Variants in POLR2G observed in about 807,000 individuals in gnomAD.
POLR2G encodes RNA polymerase II subunit G, also known as DNA-directed RNA polymerase II subunit RPB7.
Under a neutral mutation model 25.7 loss-of-function variants are expected in POLR2G, and 19 were observed. The ratio of observed to expected loss-of-function variants is 0.74; its 90% CI spans 0.52 to 1.08. The LOEUF (loss-of-function observed/expected upper bound fraction) is 1.08. Ranked by LOEUF, POLR2G falls within the 50% of genes least tolerant of loss-of-function variation. The pLI is 0.00. For missense variants in POLR2G, 123 were observed against 218.5 expected (o/e 0.56, Z 2.76); for synonymous variants, 79 against 76.0 (o/e 1.04, Z -0.21).
rs200826803 is a variant in POLR2G at position 62,764,865 on chromosome 11, G to GT, written c.283-305dup. Among the ~76,000 whole-genome samples the GT allele has an allele frequency of 4.3e-3, 624 of 143,804 alleles. 1 individual carries two copies. The highest frequency in any genetic ancestry group is 4.5e-3 in the Non-Finnish European group (295 of 65,050). 94.3% of individuals were successfully genotyped at this position (143,804 alleles called of 152,430 possible). A position where few individuals can be genotyped will look rare whatever the true frequency, so the allele number is the denominator to read the frequency against. ...AAAGAAAAGGCAAGATCACTCTTTT[G>GT]TTTTTTTTTTTTGAGACAGAGTCTT... is the stretch of plus-strand genomic sequence containing the variant. On this transcript the variant is annotated intron_variant, in intron 3 of 7. Coordinates refer to ENST00000301788, the MANE Select transcript of POLR2G (RefSeq NM_002696.3).
At chr11:62,764,153 C>A (rs1211766266) in intron 3 of POLR2G, among the ~76,000 whole-genome samples, 2 of 152,054 alleles carry the variant, frequency 1.3e-5, no homozygotes, top group African/African-American at 4.8e-5. Flanking sequence ...GGCCTAAGCT[C>A]TTTAATACTT....
rs3795 is a variant in POLR2G, at chr11:62,766,632, T to A, written c.*125T>A. On this transcript the variant is annotated 3_prime_UTR_variant, in exon 8 of 8. Transcript: ENST00000301788. ...GGAAGGCAACTCATCCCAGAAGGCA[T>A]CTGGTGCTTCTTGTAGCTTAACTAC... The A allele has an allele frequency of 1.3e-6, 1 of 794,936 alleles. No individual in the cohort carries two copies. Among genetic ancestry groups the A allele is most frequent in the Non-Finnish European group, 2.1e-6 (1 of 467,592 alleles). 49.2% of individuals were successfully genotyped at this position (794,936 alleles called of 1,614,324 possible).
In POLR2G at chr11:62,766,696, A is replaced by T. The variant is rs1236807798; in HGVS notation, c.*189A>T. 1.7e-6 allele frequency: 1 copy of T among 583,210 alleles called. No individual in the cohort carries two copies. The highest frequency in any genetic ancestry group is 3.0e-6 in the Non-Finnish European group (1 of 329,004). 36.1% of individuals were successfully genotyped at this position (583,210 alleles called of 1,614,324 possible). ...TTCAGTATGTGTTCTAAGTATAAAA[A>T]GTCCTTGGTTCTCATGGAAGTGTTA... is the stretch of plus-strand genomic sequence containing the variant. On this transcript the variant is annotated 3_prime_UTR_variant, in exon 8 of 8. Transcript: ENST00000301788.
chr11:62,761,754 G>A, intron 1 of POLR2G, 41 bp from the exon 2 acceptor site: 1 of 1,608,240 alleles, frequency 6.2e-7, no homozygotes, highest in Non-Finnish European at 8.5e-7. Context: ...CCAATAACCT[G>A]CCAGCGCCTG....
Position 62,765,192 on chromosome 11 carries a change from TC to T in POLR2G, c.294del (p.Phe98LeufsTer39). The T allele has an allele frequency of 1.9e-6, 3 of 1,613,756 alleles. No individual in the cohort carries two copies. The highest frequency in any genetic ancestry group is 2.5e-6 in the Non-Finnish European group (3 of 1,179,964). On this transcript the variant is annotated frameshift_variant, in exon 4 of 8. Coordinates refer to ENST00000301788, the MANE Select transcript of POLR2G (RefSeq NM_002696.3). LOFTEE classifies it high-confidence loss of function. ...VVTQVNKVGLFTEIGPMSCFI... is the reference protein window; with the variant it reads ...VVTQVNKVGLXTEIGPMSCFI... ...TCATTTTTTTTCTAGGTTGGACTCT[TC>T]ACAGAAATTGGGCCCATGTCTTGCT...
intron 4 of POLR2G, 51 bp from the exon 5 acceptor site, chr11:62,765,289 C>G: frequency 6.2e-7 from 1 of 1,602,534 alleles, no homozygotes; most frequent in Non-Finnish European, 8.6e-7. Context: ...TCATCACCAT[C>G]TATTGAAGCA....
intron 5 of POLR2G, 95 bp from the exon 6 acceptor site, chr11:62,765,558 G>T: frequency 9.2e-7 from 1 of 1,081,886 alleles, no homozygotes; most frequent in South Asian, 1.2e-5. Context: ...AAAGTGATGT[G>T]CATTCAATAT....
rs200521377 is a variant in POLR2G at position 62,762,030 on chromosome 11, A to G, written c.122+126A>G. The G allele has an allele frequency of 4.4e-5, 30 of 682,306 alleles. No individual in the cohort carries two copies. The East Asian group carries it at 7.2e-4, about 16-fold the overall frequency. 42.3% of individuals were successfully genotyped at this position (682,306 alleles called of 1,614,324 possible). A position where few individuals can be genotyped will look rare whatever the true frequency, so the allele number is the denominator to read the frequency against. On this transcript the variant is annotated intron_variant, in intron 2 of 7. Transcript: ENST00000301788. Reference sequence around the variant, plus strand: ...TGGGGACCCCTCTCCTCTCTCAGGCAGCCAGTTGCTTCCTGCTTTGGGTTC... The same window carrying G: ...TGGGGACCCCTCTCCTCTCTCAGGCGGCCAGTTGCTTCCTGCTTTGGGTTC...
chr11:62,762,325 T>C (rs1457121031), intron 2 of POLR2G: 2 of 275,800 alleles, frequency 7.3e-6, no homozygotes, highest in Admixed American at 8.2e-5. Context: ...CATGGGCCTC[T>C]ATATATCTTC....
chr11:62,765,042 A>AG lies in POLR2G; in HGVS notation c.283-140_283-139insG. On this transcript the variant is annotated intron_variant, in intron 3 of 7. Transcript: ENST00000301788. ...CCCGGCTAATTTTTGTATTTTTAGT[A>AG]ATGACGGGGTTTCACCATGTTGGTC... 3.0e-6 allele frequency: 2 copies of AG among 656,734 alleles called. 1 individual carries two copies. 40.7% of individuals were successfully genotyped at this position (656,734 alleles called of 1,614,324 possible).
rs915203909 is a variant in POLR2G at position 62,765,684 on chromosome 11, G to A, written c.431G>A (p.Arg144His). ...GTGATTCAGCAGGACGATGAGATCC[G>A]CTTAAAGATTGTGGGGACCCGTGTG... is the stretch of plus-strand genomic sequence containing the variant. ...DIVIQQDDEI[R>H]LKIVGTRVDK... Residue 144 changes from arginine (R) to histidine (H), a missense_variant, in exon 6 of 8, where the codon CGC (arginine) becomes CAC (histidine). By Grantham distance (29) the Arg-to-His change is conservative (BLOSUM62 0). Transcript: ENST00000301788. The A allele has an allele frequency of 7.4e-6, 12 of 1,611,432 alleles. No homozygotes were observed. Among genetic ancestry groups the A allele is most frequent in the Non-Finnish European group, 1.0e-5 (12 of 1,177,736 alleles).
intron 3 of POLR2G, among the ~76,000 whole-genome samples, chr11:62,764,049 G>T (rs1281443340): frequency 6.6e-6 from 1 of 152,126 alleles, no homozygotes; most frequent in Non-Finnish European, 1.5e-5. Flanking sequence ...GCCAGTGGGT[G>T]CTTTTTACAG....
chr11:62,764,778 AGAGT>A (rs1368692891), intron 3 of POLR2G, among the ~76,000 whole-genome samples: 2 of 152,222 alleles, frequency 1.3e-5, no homozygotes, highest in African/African-American at 4.8e-5. Flanking sequence ...CCTGGGCAAC[AGAGT>A]GAGACCCTGT....
chr11:62,764,311 A>G (rs979781758), intron 3 of POLR2G, among the ~76,000 whole-genome samples: 2 of 151,784 alleles, frequency 1.3e-5, no homozygotes, highest in East Asian at 2.0e-4. Flanking sequence ...AAATACAAAA[A>G]TTAGCCAGGC....
intron 4 of POLR2G, 36 bp downstream of exon 4, chr11:62,765,268 C>T (rs750506702): frequency 1.2e-6 from 2 of 1,609,048 alleles, no homozygotes; most frequent in Non-Finnish European, 1.7e-6. Flanking sequence ...CTGAGGAAGA[C>T]AGATACTCAT....
intron 1 of POLR2G, 67 bp from the exon 2 acceptor site, chr11:62,761,728 A>G: frequency 6.2e-7 from 1 of 1,607,324 alleles, no homozygotes; most frequent in African/African-American, 1.3e-5. Flanking sequence ...CGCCGGCGCG[A>G]GACTCCCCTT....
chr11:62,762,646 G>A (rs1479398629), intron 2 of POLR2G: 1 of 625,240 alleles, frequency 1.6e-6, no homozygotes, highest in South Asian at 1.5e-5. Context: ...CAGCCTTCTT[G>A]GACATTTATT....
chr11:62,761,777 T>C lies in POLR2G; in HGVS notation c.13-18T>C. 6.2e-7 allele frequency: 1 copy of C among 1,612,444 alleles called. No individual in the cohort carries two copies. Among genetic ancestry groups the C allele is most frequent in the South Asian group, 1.1e-5 (1 of 91,040 alleles). On this transcript the variant is annotated intron_variant, in intron 1 of 7. Coordinates refer to ENST00000301788, the MANE Select transcript of POLR2G (RefSeq NM_002696.3). ...CTGCCAGCGCCTGGCCTGGTCGCCA[T>C]CCCACTTTTCTCCGCAGATCTCCCT...
rs2084096453 is a variant in POLR2G at position 62,763,038 on chromosome 11, C to A, written c.282+12C>A. 2 of 1,563,762 alleles carry A rather than the reference C, an allele frequency of 1.3e-6. No homozygotes were observed. The highest frequency in any genetic ancestry group is 1.7e-5 in the Admixed American group (1 of 57,402). The stretch of plus-strand genomic sequence containing the variant: ...CTCAGGTCAACAAGGTGAGACCATA[C>A]ATAGGGGAGGCAGTGGGGTAGTCTC... On this transcript the variant is annotated intron_variant, in intron 3 of 7. Transcript: ENST00000301788.
Sources: gnomAD v4.1 joint callset for allele counts (sites outside exome capture counted in the v4.1 genomes callset) on GRCh38, gnomAD v4.1.1 for gene constraint, MANE v1.5 for transcripts, NCBI Gene and HGNC (gene_info 2026-07-23, HGNC 2026-07-21) for gene names.